The following DCTN1 variants were observed in gnomAD, a reference collection of about 807,000 sequenced individuals.
DCTN1 encodes dynactin subunit 1.
In DCTN1, 61 loss-of-function variants were observed where a neutral mutation model predicts 161.2. That is an observed-to-expected ratio of 0.38 (90% CI 0.31 to 0.47). The LOEUF (loss-of-function observed/expected upper bound fraction) is 0.47. Among genes scored for constraint, DCTN1 ranks in the 20% least tolerant of loss-of-function variants. The pLI is 0.99. For missense variants in DCTN1, 1,404 were observed against 1,623.7 expected, an observed-to-expected ratio of 0.86 and a Z score of 2.33; for synonymous variants, 653 against 632.4, an observed-to-expected ratio of 1.03 and a Z score of -0.49.
chr2:74,373,083 C>T (rs917402077), intron 6 of DCTN1, 135 bp from the exon 7 acceptor site: 63 of 762,450 alleles, frequency 8.3e-5, no homozygotes, highest in Admixed American at 2.0e-5. Context: ...CACCCTCCCC[C>T]CCATCCCATC....
chr2:74,371,555 C>CG lies in DCTN1; in HGVS notation c.626dup (p.Leu210AlafsTer90). 6.3e-7 allele frequency: 1 copy of CG among 1,578,244 alleles called. No homozygotes were observed. The highest frequency in any genetic ancestry group is 1.8e-5 in the Admixed American group (1 of 54,604). ...GCCTTACCTTGGATGGGGAAGGAAG[C>CG]GGGGGGACTGCTCCAGGAGAGGTGA... On this transcript the variant is annotated frameshift_variant, in exon 8 of 32. Coordinates refer to ENST00000628224, the MANE Select transcript of DCTN1 (RefSeq NM_004082.5). LOFTEE classifies it high-confidence loss of function.
At chr2:74,375,004 C>A (rs554094036) in intron 5 of DCTN1, among the ~76,000 whole-genome samples, 1 of 152,146 alleles carries the variant, frequency 6.6e-6, no homozygotes, top group East Asian at 1.9e-4. Flanking sequence ...ATTCTGCCCC[C>A]GCCACCCACC....
chr2:74,382,191 T>C (rs1174748378), upstream of DCTN1, among the ~76,000 whole-genome samples: 1 of 152,206 alleles, frequency 6.6e-6, no homozygotes, highest in Non-Finnish European at 1.5e-5. Context: ...ACTAACCACA[T>C]AGGTATCAAT....
chr2:74,364,253 T>G (rs888072530), intron 26 of DCTN1: 1 of 159,392 alleles, frequency 6.3e-6, no homozygotes, highest in Admixed American at 5.8e-5. Context: ...AAGAAGGTAC[T>G]TGGTCACCTC....
intron 1 of DCTN1, among the ~76,000 whole-genome samples, chr2:74,387,207 G>C (rs1675771045): frequency 6.6e-6 from 1 of 152,200 alleles, no homozygotes; most frequent in African/African-American, 2.4e-5. Context: ...TGTAGCAACT[G>C]AGATTGTCAA....
Position 74,361,246 on chromosome 2 carries a change from C to T in DCTN1, c.*253G>A. 4.7e-6 allele frequency: 3 copies of T among 641,244 alleles called. No individual in the cohort carries two copies. The highest frequency in any genetic ancestry group is 8.6e-6 in the Non-Finnish European group (3 of 349,366). 39.7% of individuals were successfully genotyped at this position (641,244 alleles called of 1,614,324 possible). A position where few individuals can be genotyped will look rare whatever the true frequency, so the allele number is the denominator to read the frequency against. On this transcript the variant is annotated 3_prime_UTR_variant, in exon 32 of 32. Coordinates refer to ENST00000628224, the MANE Select transcript of DCTN1 (RefSeq NM_004082.5). ...TGGTGGTGGGGTCTCAGCCTACCCC[C>T]CACAAGCCCTGAGGCCCCTCAGGAA...
At chr2:74,375,823 A>C (rs1675189131) in intron 5 of DCTN1, among the ~76,000 whole-genome samples, 1 of 152,064 alleles carries the variant, frequency 6.6e-6, no homozygotes, top group Non-Finnish European at 1.5e-5. Context: ...CCCATCACCA[A>C]CCAGGAGCTG....
Position 74,380,070 on chromosome 2 carries a change from C to A in DCTN1, c.-33G>T. The A allele has an allele frequency of 3.1e-6, 5 of 1,613,592 alleles. No homozygotes were observed. Among genetic ancestry groups the A allele is most frequent in the Non-Finnish European group, 4.2e-6 (5 of 1,179,740 alleles). On this transcript the variant is annotated 5_prime_UTR_variant, in exon 1 of 32. Transcript: ENST00000628224. ...ACCCGGCCTCTACCCCCTCCCCCAGCTGGCCAAAGACAGAGAGAAAAGGTA... is the reference window on the plus strand; with the variant it reads ...ACCCGGCCTCTACCCCCTCCCCCAGATGGCCAAAGACAGAGAGAAAAGGTA...
rs58901202 is a variant in DCTN1 at position 74,369,816 on chromosome 2, G to GAAAAA, written c.1392+144_1392+148dup. 4.6e-4 allele frequency: 234 copies of GAAAAA among 512,642 alleles called. 1 individual carries two copies. Among genetic ancestry groups the GAAAAA allele is most frequent in the South Asian group, 1.0e-3 (50 of 49,522 alleles). 31.8% of individuals were successfully genotyped at this position (512,642 alleles called of 1,614,324 possible). Reference sequence around the variant, plus strand: ...GGCAACAGAGCGAGATTCCATCTCAGAAAAAAAAAAAAAAAAAAAAGGCAG... The same window carrying GAAAAA: ...GGCAACAGAGCGAGATTCCATCTCAGAAAAAAAAAAAAAAAAAAAAAAAAAGGCAG... On this transcript the variant is annotated intron_variant, in intron 13 of 31. Coordinates refer to ENST00000628224, the MANE Select transcript of DCTN1 (RefSeq NM_004082.5). This position sits in a 1 kb window ranked among gnomAD's most constrained non-coding sequence, Gnocchi z 4.9.
intron 30 of DCTN1, among the ~76,000 whole-genome samples, chr2:74,362,371 C>G (rs974120967): frequency 4.6e-5 from 7 of 152,326 alleles, no homozygotes; most frequent in Middle Eastern, 3.4e-3. Flanking sequence ...CTTGGGAAGC[C>G]ATGCCCAACC....
At chr2:74,381,319 G>A (rs1429412845), upstream of DCTN1, among the ~76,000 whole-genome samples, 1 of 152,138 alleles carries the variant, frequency 6.6e-6, no homozygotes, top group East Asian at 1.9e-4. Flanking sequence ...TGGGCCTAGG[G>A]ACGCCTGTCT....
In DCTN1 at chr2:74,363,791, T is replaced by C. The variant is rs187794639; in HGVS notation, c.3197-163A>G. ...TAACAAGACTCTCTGCCACCTATCT[T>C]TGGGGACGAGCAGATAAGTGTTAAA... is the stretch of plus-strand genomic sequence containing the variant. On this transcript the variant is annotated intron_variant, in intron 26 of 31. Transcript: ENST00000628224. 286 of 927,480 alleles carry C rather than the reference T, an allele frequency of 3.1e-4. 1 individual carries two copies. In the African/African-American group the frequency reaches 4.2e-3, roughly 14 times the overall value. The allele number at this position is 927,480 out of a possible 1,614,324, so 57.5% of individuals were successfully genotyped here. A position where few individuals can be genotyped will look rare whatever the true frequency, so the allele number is the denominator to read the frequency against.
In DCTN1 at chr2:74,378,254, C is replaced by T; in HGVS notation, c.34-9G>A. On this transcript the variant is annotated splice_polypyrimidine_tract_variant and intron_variant, in intron 1 of 31. Transcript: ENST00000628224. ...CTGCTGCCGCTGGGCGTCTGAAAGA[C>T]ACAGGTAAACACAGACAGTTAGAGG... The T allele has an allele frequency of 6.2e-7, 1 of 1,603,994 alleles. No individual in the cohort carries two copies. The highest frequency in any genetic ancestry group is 1.1e-5 in the South Asian group (1 of 91,034).
rs1351178714 is a variant in DCTN1 at position 74,376,694 on chromosome 2, G to A, written c.414+48C>T. 1.1e-5 allele frequency: 17 copies of A among 1,569,194 alleles called. No individual in the cohort carries two copies. In the Admixed American group the frequency reaches 3.1e-4, roughly 28 times the overall value. ...AGGGACATGCAGGACAGCTGGGGAA[G>A]GGGCTCATGGCCCCCATCCACCCAG... On this transcript the variant is annotated intron_variant, in intron 5 of 31. Transcript: ENST00000628224.
In DCTN1 at chr2:74,367,960, G is replaced by C; in HGVS notation, c.2015+11C>G. ...CCCCACCCTGGGGTGAGGGAGTCAG[G>C]AGTCACTTACTGCTCATAGCGGTGT... On this transcript the variant is annotated intron_variant, in intron 17 of 31. Coordinates refer to ENST00000628224, the MANE Select transcript of DCTN1 (RefSeq NM_004082.5). 6.2e-7 allele frequency: 1 copy of C among 1,614,244 alleles called. No individual in the cohort carries two copies. Among genetic ancestry groups the C allele is most frequent in the Non-Finnish European group, 8.5e-7 (1 of 1,180,046 alleles).
upstream of DCTN1, among the ~76,000 whole-genome samples, chr2:74,384,091 A>G (rs1468746670): frequency 1.3e-5 from 2 of 152,254 alleles, no homozygotes. Context: ...CAGAACTGAA[A>G]AAAATGGGAG....
rs1207041478 is a variant in DCTN1 at position 74,363,134 on chromosome 2, T to C, written c.3389A>G (p.His1130Arg). The part of the protein sequence containing the change: ...KASLASLPPL[H>R]VAKLSHEGPG... ...GCCCTCATGGGATAGCTTTGCAACATGCAGAGGGGGCAGGGATGCCAAGGA... is the reference window on the plus strand; with the variant it reads ...GCCCTCATGGGATAGCTTTGCAACACGCAGAGGGGGCAGGGATGCCAAGGA... The change falls in exon 29 of 32, where the codon CAT becomes CGT. Residue 1130 changes from histidine to arginine, a missense_variant. Transcript: ENST00000628224. The C allele has an allele frequency of 1.2e-6, 2 of 1,614,000 alleles. No individual in the cohort carries two copies. The highest frequency in any genetic ancestry group is 3.3e-5 in the Admixed American group (2 of 60,008).
rs754971124 is a variant in DCTN1 at position 74,363,159 on chromosome 2, A to G, written c.3364T>C (p.Ser1122Pro). 1 of 1,614,104 alleles carries G rather than the reference A, an allele frequency of 6.2e-7. No homozygotes were observed. Residue 1122 changes from serine (S) to proline (P), a missense_variant, in exon 29 of 32, where the codon TCC (serine) becomes CCC (proline). Coordinates refer to ENST00000628224, the MANE Select transcript of DCTN1 (RefSeq NM_004082.5). ...TGCAGAGGGGGCAGGGATGCCAAGGATGCCTTCATCTGGGCTCCCTGTGGA... is the reference window on the plus strand; with the variant it reads ...TGCAGAGGGGGCAGGGATGCCAAGGGTGCCTTCATCTGGGCTCCCTGTGGA... ...SILKGAQMKA[S>P]LASLPPLHVA...
At position 74,377,731 on chromosome 2, in the gene DCTN1, G is replaced by A. The variant is rs1675307447; in HGVS notation, c.280-5C>T. 1 of 1,611,698 alleles carries A rather than the reference G, an allele frequency of 6.2e-7. No individual in the cohort carries two copies. On this transcript the variant is annotated splice_region_variant and splice_polypyrimidine_tract_variant and intron_variant, in intron 2 of 31. Transcript: ENST00000628224. ...TCCATCTTCAAATACCTGGATCTGA[G>A]GCCAGATTCAATATAGCCAGATCAA...
Sources: gnomAD v4.1 joint callset for allele counts (sites outside exome capture counted in the v4.1 genomes callset) on GRCh38, gnomAD v4.1.1 for gene constraint, Gnocchi (gnomAD v3.1) non-coding constraint, MANE v1.5 for transcripts, NCBI Gene and HGNC (gene_info 2026-07-23, HGNC 2026-07-21) for gene names.